The following MACROD2 variants were observed in gnomAD, a reference collection of about 807,000 sequenced individuals.
The protein encoded by MACROD2 is ADP-ribose glycohydrolase MACROD2.
Under a neutral mutation model 70.4 loss-of-function variants are expected in MACROD2, and 36 were observed. The observed-to-expected ratio is 0.51, with a 90% CI of 0.39 to 0.68. The LOEUF (loss-of-function observed/expected upper bound fraction) is 0.68. Among genes scored for constraint, MACROD2 ranks in the 30% least tolerant of loss-of-function variants. The pLI is 0.00. For synonymous variants in MACROD2, 172 were observed against 178.8 expected, an observed-to-expected ratio of 0.96 and a Z score of 0.30; for missense variants, 496 against 538.4, an observed-to-expected ratio of 0.92 and a Z score of 0.78.
At chr20:14,286,731 T>C (rs1351910628) in intron 3 of MACROD2, among the ~76,000 whole-genome samples, 1 of 152,158 alleles carries the variant, frequency 6.6e-6, no homozygotes, top group Admixed American at 6.5e-5. Context: ...AGGTTTTGTA[T>C]GGTCTTGTAA....
At chr20:14,478,077 A>G (rs928828847) in intron 3 of MACROD2, among the ~76,000 whole-genome samples, 4 of 152,212 alleles carry the variant, frequency 2.6e-5, no homozygotes, top group Non-Finnish European at 5.9e-5. Flanking sequence ...GATATTACTC[A>G]GGGAACATTT....
intron 5 of MACROD2, among the ~76,000 whole-genome samples, chr20:15,119,113 C>T (rs368031018): frequency 4.6e-5 from 7 of 152,134 alleles, no homozygotes; most frequent in South Asian, 4.1e-4. Context: ...CTATAACAAT[C>T]GGAAGACCTG....
chr20:15,359,780 A>G (rs539782034), intron 6 of MACROD2, among the ~76,000 whole-genome samples: 6 of 152,296 alleles, frequency 3.9e-5, no homozygotes, highest in Non-Finnish European at 8.8e-5. Context: ...TTGCAAAAAT[A>G]TGAGAGGTTC....
chr20:15,302,387 C>CACACACACACAACAT (rs6147301), intron 6 of MACROD2, among the ~76,000 whole-genome samples: 1 of 150,452 alleles, frequency 6.6e-6, no homozygotes, highest in African/African-American at 2.4e-5. Context: ...CACACATACA[C>CACACACACACAACAT]ACATACAGAT....
At position 14,326,815 on chromosome 20, in the gene MACROD2, G is replaced by T; in HGVS notation, c.272-166664G>T. The stretch of plus-strand genomic sequence containing the variant: ...AGCAGTCAGGGAATTCCGCACCAGG[G>T]ACAGCTCTGTCAAATTAACTAGGTT... On this transcript the variant is annotated intron_variant, in intron 3 of 17. Transcript: ENST00000684519. This position sits in a 1 kb window ranked among gnomAD's most constrained non-coding sequence, Gnocchi z 5.5. 1 of 1,613,764 alleles carries T rather than the reference G, an allele frequency of 6.2e-7. No individual in the cohort carries two copies. The highest frequency in any genetic ancestry group is 8.5e-7 in the Non-Finnish European group (1 of 1,179,802).
intron 4 of MACROD2, among the ~76,000 whole-genome samples, chr20:14,554,015 C>T (rs1399783065): frequency 1.3e-5 from 2 of 152,076 alleles, no homozygotes; most frequent in African/African-American, 2.4e-5. Flanking sequence ...GGGCCATTTC[C>T]CAGGTCTTCT....
chr20:14,412,793 T>A (rs560042245), intron 3 of MACROD2, among the ~76,000 whole-genome samples: 1 of 152,330 alleles, frequency 6.6e-6, no homozygotes, highest in South Asian at 2.1e-4. Context: ...AACCTCTAAG[T>A]CTGTGCCTCT....
intron 5 of MACROD2, among the ~76,000 whole-genome samples, chr20:14,882,435 G>T (rs954007856): frequency 1.4e-4 from 21 of 152,166 alleles, no homozygotes; most frequent in Non-Finnish European, 2.6e-4. Context: ...GAAGAAGCAT[G>T]TTTTATACCT....
intron 5 of MACROD2, among the ~76,000 whole-genome samples, chr20:14,771,867 C>A (rs1190180220): frequency 1.3e-5 from 2 of 151,392 alleles, no homozygotes; most frequent in South Asian, 2.1e-4. Context: ...TTGTATGTAA[C>A]CCATAAAATA....
chr20:15,518,275 T>A (rs1466288506), intron 8 of MACROD2, among the ~76,000 whole-genome samples: 1 of 152,204 alleles, frequency 6.6e-6, no homozygotes, highest in Non-Finnish European at 1.5e-5. Context: ...ATCACTGAGA[T>A]CTGTAATGAC....
chr20:14,861,447 G>T (rs1039692453), intron 5 of MACROD2, among the ~76,000 whole-genome samples: 2 of 152,046 alleles, frequency 1.3e-5, no homozygotes, highest in African/African-American at 2.4e-5. Context: ...CACTGACTAA[G>T]AGACAGTGGC....
At chr20:14,952,450 G>C (rs1366080219) in intron 5 of MACROD2, among the ~76,000 whole-genome samples, 1 of 152,166 alleles carries the variant, frequency 6.6e-6, no homozygotes, top group Admixed American at 6.5e-5. Flanking sequence ...ATTTGAAGTT[G>C]AGATTTTGGA....
chr20:15,119,811 A>G (rs2076017640), intron 5 of MACROD2, among the ~76,000 whole-genome samples: 1 of 152,250 alleles, frequency 6.6e-6, no homozygotes, highest in African/African-American at 2.4e-5. Context: ...ATATGCTAAT[A>G]TATGCAGACT....
chr20:13,996,788 C>T (rs770551550), intron 1 of MACROD2, among the ~76,000 whole-genome samples: 1 of 152,186 alleles, frequency 6.6e-6, no homozygotes. Context: ...GCAAAAACTT[C>T]TTGCACTCCT....
intron 7 of MACROD2, among the ~76,000 whole-genome samples, chr20:15,493,166 T>C (rs1372164991): frequency 6.6e-6 from 1 of 152,148 alleles, no homozygotes; most frequent in Non-Finnish European, 1.5e-5. Flanking sequence ...CGCCTGGACA[T>C]TGGTCTCTAG....
chr20:15,515,106 T>C (rs903585047), intron 8 of MACROD2, among the ~76,000 whole-genome samples: 4 of 152,360 alleles, frequency 2.6e-5, no homozygotes, highest in Admixed American at 2.0e-4. Context: ...TTTAGCACAA[T>C]GCCAGGACCA....
chr20:14,911,153 T>C (rs1423711445), intron 5 of MACROD2, among the ~76,000 whole-genome samples: 2 of 152,116 alleles, frequency 1.3e-5, no homozygotes, highest in Admixed American at 1.3e-4. Flanking sequence ...CACTTGAAGG[T>C]GTCTGGTCCC....
At chr20:14,704,054 C>T (rs1026499635) in intron 5 of MACROD2, among the ~76,000 whole-genome samples, 11 of 152,038 alleles carry the variant, frequency 7.2e-5, no homozygotes, top group Non-Finnish European at 1.3e-4. Context: ...TTTAAAAAAG[C>T]AAAACAATAC....
intron 3 of MACROD2, among the ~76,000 whole-genome samples, chr20:14,320,125 A>C (rs753512414): frequency 1.3e-5 from 2 of 152,212 alleles, no homozygotes; most frequent in Non-Finnish European, 2.9e-5. Flanking sequence ...ACCTGTTCAA[A>C]GCCAACATTT....
Sources: allele counts gnomAD v4.1 joint callset (sites outside exome capture counted in the v4.1 genomes callset), GRCh38; gene constraint gnomAD v4.1.1; non-coding constraint Gnocchi (gnomAD v3.1); transcripts MANE v1.5; gene names NCBI Gene and HGNC (gene_info 2026-07-23, HGNC 2026-07-21).